Variants in SGPP2 observed in about 807,000 individuals in gnomAD.
The protein encoded by SGPP2 is sphingosine 1-phosphate phosphohydrolase 2.
Under a neutral mutation model 33.9 loss-of-function variants are expected in SGPP2, and 30 were observed. The observed-to-expected ratio is 0.89, with a 90% CI of 0.66 to 1.20. The LOEUF (loss-of-function observed/expected upper bound fraction) is 1.20, where lower values mean the gene tolerates loss of function less well. Ranked by LOEUF, SGPP2 falls within the 50% of genes most tolerant of loss-of-function variation. The pLI is 0.00. For synonymous variants in SGPP2, 233 were observed against 225.0 expected (o/e 1.04, Z -0.32); for missense variants, 458 against 532.1 (o/e 0.86, Z 1.37).
chr2:222,473,400 C>T (rs55752229), intron 1 of SGPP2, among the ~76,000 whole-genome samples: 4,173 of 152,212 alleles, frequency 0.027, 204 homozygotes, highest in African/African-American at 0.095. Flanking sequence ...ATCTTCAAAT[C>T]GTTCTCTGAC....
rs1689512527 is a variant in SGPP2 at position 222,560,291 on chromosome 2, TCA to T, written c.*1396_*1397del. 6.6e-6 allele frequency: 1 copy of T among 152,258 alleles called. No homozygotes were observed. Among genetic ancestry groups the T allele is most frequent in the African/African-American group, 2.4e-5 (1 of 41,470 alleles). 9.4% of individuals were successfully genotyped at this position (152,258 alleles called of 1,614,324 possible). A position where few individuals can be genotyped will look rare whatever the true frequency, so the allele number is the denominator to read the frequency against. The stretch of plus-strand genomic sequence containing the variant: ...CCTCCCTGACATTACTCCTCCAATT[TCA>T]CAGTTACCTTCTGTAAATCTATTTT... On this transcript the variant is annotated 3_prime_UTR_variant, in exon 5 of 5. Transcript: ENST00000321276.
At chr2:222,543,167 A>G (rs1699022453) in intron 4 of SGPP2, among the ~76,000 whole-genome samples, 1 of 152,160 alleles carries the variant, frequency 6.6e-6, no homozygotes, top group African/African-American at 2.4e-5. Context: ...GGTCATAAAG[A>G]TATTCTGTTA....
intron 1 of SGPP2, among the ~76,000 whole-genome samples, chr2:222,429,299 T>G (rs1207330153): frequency 6.6e-6 from 1 of 152,180 alleles, no homozygotes; most frequent in Non-Finnish European, 1.5e-5. Context: ...CTTAGTATAT[T>G]CAGTAGGAGG....
chr2:222,517,989 ATCT>A (rs1698631536), intron 2 of SGPP2, among the ~76,000 whole-genome samples: 2 of 152,294 alleles, frequency 1.3e-5, no homozygotes, highest in South Asian at 4.1e-4. Context: ...ATCCTCTGAA[ATCT>A]TCTTATTGTG....
At chr2:222,450,842 T>C (rs1697474863) in intron 1 of SGPP2, among the ~76,000 whole-genome samples, 1 of 152,174 alleles carries the variant, frequency 6.6e-6, no homozygotes, top group African/African-American at 2.4e-5. Context: ...TTCCCATGCA[T>C]CCTAGAACTC....
intron 2 of SGPP2, among the ~76,000 whole-genome samples, chr2:222,491,730 C>T (rs112327068): frequency 1.5e-3 from 230 of 152,228 alleles, no homozygotes; most frequent in African/African-American, 5.2e-3. Context: ...TATTTCAACA[C>T]ACAATCTTGC....
chr2:222,559,161 GCC>G lies in SGPP2; in HGVS notation c.*276_*277del, dbSNP rs67613978. 587 of 29,696 alleles carry G rather than the reference GCC, an allele frequency of 0.02. 3 individuals carry two copies. Among genetic ancestry groups the G allele is most frequent in the African/African-American group, 0.053 (449 of 8,430 alleles). The allele number at this position is 29,696 out of a possible 1,614,324, so 1.8% of individuals were successfully genotyped here. A position where few individuals can be genotyped will look rare whatever the true frequency, so the allele number is the denominator to read the frequency against. ...CCGGATCTTTAAAGGCACACACCGCGCCCCCCCCCCCCCCGCCCGGCCCCTGC... is the reference window on the plus strand; with the variant it reads ...CCGGATCTTTAAAGGCACACACCGCGCCCCCCCCCCCCGCCCGGCCCCTGC... On this transcript the variant is annotated 3_prime_UTR_variant, in exon 5 of 5. Coordinates refer to ENST00000321276, the MANE Select transcript of SGPP2 (RefSeq NM_152386.4).
At chr2:222,493,513 C>T (rs999882651) in intron 2 of SGPP2, among the ~76,000 whole-genome samples, 2 of 152,128 alleles carry the variant, frequency 1.3e-5, no homozygotes, top group African/African-American at 4.8e-5. Context: ...ACAAAGGAGT[C>T]AAACCATATC....
intron 1 of SGPP2, among the ~76,000 whole-genome samples, chr2:222,429,404 A>G (rs1047957362): frequency 2.0e-5 from 3 of 152,220 alleles, no homozygotes; most frequent in Admixed American, 2.0e-4. Flanking sequence ...AGTTTTTATT[A>G]TCCTTTATTG....
At chr2:222,505,733 A>G (rs1000188404) in intron 2 of SGPP2, among the ~76,000 whole-genome samples, 3 of 152,102 alleles carry the variant, frequency 2.0e-5, no homozygotes, top group Non-Finnish European at 4.4e-5. Flanking sequence ...CAGAAGTTCA[A>G]GACCAGCCTA....
At chr2:222,436,807 A>C (rs921602463) in intron 1 of SGPP2, among the ~76,000 whole-genome samples, 4 of 152,212 alleles carry the variant, frequency 2.6e-5, no homozygotes, top group Non-Finnish European at 5.9e-5. Context: ...CAATATAATC[A>C]ACCTGCCACC....
chr2:222,453,228 G>A, intron 1 of SGPP2: 1 of 769,810 alleles, frequency 1.3e-6, no homozygotes, highest in Non-Finnish European at 2.4e-6. Context: ...ACAGGCATAG[G>A]TGAAGATTCT....
intron 2 of SGPP2, among the ~76,000 whole-genome samples, chr2:222,485,521 G>A (rs1384977693): frequency 6.6e-6 from 1 of 152,234 alleles, no homozygotes; most frequent in Non-Finnish European, 1.5e-5. Context: ...CTGTGGGCTT[G>A]TCATTCCTGG....
At chr2:222,464,168 G>A (rs1697708584) in intron 1 of SGPP2, among the ~76,000 whole-genome samples, 1 of 152,190 alleles carries the variant, frequency 6.6e-6, no homozygotes, top group African/African-American at 2.4e-5. Flanking sequence ...GGTTCAATGT[G>A]TTTCAGGTTT....
In SGPP2 at chr2:222,465,636, A is replaced by G. The variant is rs1020766029; in HGVS notation, c.220-8932A>G. ...AAGCAGGGCTTCATCCCACTGTTTC[A>G]GAGCCAAAATTTGTTCTAGTCTCAC... On this transcript the variant is annotated intron_variant, in intron 1 of 4. Transcript: ENST00000321276. This position sits in a 1 kb window ranked among gnomAD's most constrained non-coding sequence, Gnocchi z 4.1. Among the ~76,000 whole-genome samples, 3 of 152,246 alleles carry G rather than the reference A, an allele frequency of 2.0e-5. No individual in the cohort carries two copies. The highest frequency in any genetic ancestry group is 7.2e-5 in the African/African-American group (3 of 41,462).
At chr2:222,538,767 T>C (rs531597043) in intron 4 of SGPP2, among the ~76,000 whole-genome samples, 2 of 151,738 alleles carry the variant, frequency 1.3e-5, no homozygotes, top group East Asian at 3.9e-4. Context: ...AGAAAGAGAG[T>C]GGGGAGGTGC....
intron 1 of SGPP2, among the ~76,000 whole-genome samples, chr2:222,456,471 G>A (rs1423775838): frequency 2.6e-5 from 4 of 152,222 alleles, no homozygotes; most frequent in African/African-American, 9.6e-5. Flanking sequence ...GAACAGCACA[G>A]CTCTATGGCA....
intron 2 of SGPP2, among the ~76,000 whole-genome samples, chr2:222,484,672 G>C (rs1166144159): frequency 6.6e-6 from 1 of 151,910 alleles, no homozygotes; most frequent in Non-Finnish European, 1.5e-5. Context: ...ATCCTGATAT[G>C]GCAGAGGGTA....
At chr2:222,530,336 A>G (rs1698820106) in intron 4 of SGPP2, among the ~76,000 whole-genome samples, 1 of 152,218 alleles carries the variant, frequency 6.6e-6, no homozygotes, top group Non-Finnish European at 1.5e-5. Flanking sequence ...TAGCTGTGAA[A>G]GTCCTAGATG....
Sources: gnomAD v4.1 joint callset for allele counts (sites outside exome capture counted in the v4.1 genomes callset) on GRCh38, gnomAD v4.1.1 for gene constraint, Gnocchi (gnomAD v3.1) non-coding constraint, MANE v1.5 for transcripts, NCBI Gene and HGNC (gene_info 2026-07-23, HGNC 2026-07-21) for gene names.